TRHDE: variants seen among roughly 807,000 people sequenced by gnomAD.
TRHDE encodes thyrotropin-releasing hormone-degrading ectoenzyme.
In TRHDE, 72 loss-of-function variants were observed where a neutral mutation model predicts 125.7. The observed-to-expected ratio is 0.57, with a 90% CI of 0.47 to 0.70. The LOEUF is 0.70. TRHDE is among the 30% of genes least tolerant of loss of function. TRHDE has a pLI of 0.00. For synonymous variants in TRHDE, 509 were observed against 509.1 expected, an observed-to-expected ratio of 1.00 and a Z score of 0.00; for missense variants, 1,110 against 1,327.1, an observed-to-expected ratio of 0.84 and a Z score of 2.54.
Position 72,238,297 on chromosome 12 carries a change from T to TAC in TRHDE, n.279+132546_279+132547insCA, listed in dbSNP as rs1409127645. Among the ~76,000 whole-genome samples the TAC allele has an allele frequency of 1.4e-3, 44 of 31,040 alleles. 1 individual carries two copies. Among genetic ancestry groups the TAC allele is most frequent in the Admixed American group, 3.5e-3 (9 of 2,604 alleles). 20.4% of individuals were successfully genotyped at this position (31,040 alleles called of 152,430 possible). A position where few individuals can be genotyped will look rare whatever the true frequency, so the allele number is the denominator to read the frequency against. ...CTTAATATATATATATATATATATA[T>TAC]ATATATATATATATATATATATATA... is the stretch of plus-strand genomic sequence containing the variant. On this transcript the variant is annotated intron_variant and non_coding_transcript_variant, in intron 2 of 4. Transcript: ENST00000548156.
intron 3 of TRHDE, among the ~76,000 whole-genome samples, chr12:72,430,352 TAC>T (rs1874405517): frequency 6.9e-6 from 1 of 145,454 alleles, no homozygotes; most frequent in Non-Finnish European, 1.5e-5. Context: ...TATACATGTA[TAC>T]ATATATACAT....
intron 12 of TRHDE, among the ~76,000 whole-genome samples, chr12:72,590,009 T>C (rs1237678833): frequency 6.6e-6 from 1 of 152,048 alleles, no homozygotes; most frequent in East Asian, 1.9e-4. Flanking sequence ...TTTCAACATA[T>C]GCATTTAAAG....
At chr12:72,180,175 T>G (rs1376571943) in intron 2 of TRHDE, among the ~76,000 whole-genome samples, 1 of 152,076 alleles carries the variant, frequency 6.6e-6, no homozygotes, top group African/African-American at 2.4e-5. Flanking sequence ...AGTTGTGCTT[T>G]TTTTTAAAAA....
At chr12:72,565,231 A>G (rs1218951452) in intron 9 of TRHDE, among the ~76,000 whole-genome samples, 1 of 152,170 alleles carries the variant, frequency 6.6e-6, no homozygotes, top group African/African-American at 2.4e-5. Context: ...AAAACCAACT[A>G]CCGATCTATT....
chr12:72,478,932 A>C (rs1437909599), intron 5 of TRHDE, among the ~76,000 whole-genome samples: 3 of 151,206 alleles, frequency 2.0e-5, no homozygotes, highest in Admixed American at 6.6e-5. Flanking sequence ...CAAAAAAAAA[A>C]AAAAAAAAAC....
At chr12:72,235,825 T>G (rs1330859346) in intron 2 of TRHDE, among the ~76,000 whole-genome samples, 1 of 152,136 alleles carries the variant, frequency 6.6e-6, no homozygotes, top group Non-Finnish European at 1.5e-5. Context: ...ACAAAACATC[T>G]GCTAACATGC....
At chr12:72,337,467 TA>T (rs1160087025) in intron 2 of TRHDE, among the ~76,000 whole-genome samples, 1 of 152,182 alleles carries the variant, frequency 6.6e-6, no homozygotes, top group East Asian at 1.9e-4. Context: ...ACTTCATTTT[TA>T]GACCTTCTTC....
intron 5 of TRHDE, among the ~76,000 whole-genome samples, chr12:72,484,906 G>T (rs1401936595): frequency 6.6e-6 from 1 of 152,092 alleles, no homozygotes; most frequent in Non-Finnish European, 1.5e-5. Context: ...GAACAGCAAA[G>T]AAACAGCAGA....
intron 2 of TRHDE, among the ~76,000 whole-genome samples, chr12:72,173,078 A>G (rs1199381197): frequency 6.6e-6 from 1 of 152,244 alleles, no homozygotes; most frequent in East Asian, 1.9e-4. Context: ...CTAGTGAGCT[A>G]TAAATAATTC....
intron 2 of TRHDE, among the ~76,000 whole-genome samples, chr12:72,141,393 T>A (rs975998935): frequency 6.6e-6 from 1 of 152,176 alleles, no homozygotes; most frequent in Non-Finnish European, 1.5e-5. Flanking sequence ...ACTGCCCCGA[T>A]AACCACAGAG....
chr12:72,631,214 A>G (rs1267316190), intron 15 of TRHDE, among the ~76,000 whole-genome samples: 1 of 151,734 alleles, frequency 6.6e-6, no homozygotes, highest in East Asian at 1.9e-4. Context: ...ATGCATGTAT[A>G]CACCTTAAAT....
At chr12:72,648,227 A>AAG (rs756879080) in intron 15 of TRHDE, among the ~76,000 whole-genome samples, 2 of 152,134 alleles carry the variant, frequency 1.3e-5, no homozygotes, top group Non-Finnish European at 2.9e-5. Flanking sequence ...CTCAACAAAT[A>AAG]AGGAATAAAA....
At chr12:72,112,401 GAAAT>G (rs1430160036) in intron 2 of TRHDE, among the ~76,000 whole-genome samples, 2 of 152,138 alleles carry the variant, frequency 1.3e-5, no homozygotes, top group Admixed American at 6.6e-5. Flanking sequence ...CATCTGAAAA[GAAAT>G]AAAATCATTT....
rs766599290 is a variant in TRHDE at position 72,286,854 on chromosome 12, C to T, written c.1088C>T (p.Thr363Met). ...TSVFEEDGWV[T>M]DHFSQTPLMS... ...GTGTTTGAGGAAGATGGATGGGTTA[C>T]GGATCACTTTTCACAGACCCCTCTC... Residue 363 changes from threonine (T) to methionine (M), a missense_variant, in exon 2 of 19, where the codon ACG becomes ATG. This residue lies in a region of TRHDE where 252 missense variants were observed against 274.8 expected (regional missense o/e 0.92). Coordinates refer to ENST00000261180, the MANE Select transcript of TRHDE (RefSeq NM_013381.3). 33 of 1,613,772 alleles carry T rather than the reference C, an allele frequency of 2.0e-5. No homozygotes were observed. Among genetic ancestry groups the T allele is most frequent in the Non-Finnish European group, 2.5e-5 (30 of 1,179,932 alleles).
upstream of TRHDE, among the ~76,000 whole-genome samples, chr12:72,269,489 A>C (rs1311399411): frequency 6.6e-6 from 1 of 152,188 alleles, no homozygotes; most frequent in African/African-American, 2.4e-5. Context: ...TAATTCTGAA[A>C]TATTTGAGAC....
At chr12:72,428,838 A>C (rs1227837416) in intron 3 of TRHDE, among the ~76,000 whole-genome samples, 1 of 152,138 alleles carries the variant, frequency 6.6e-6, no homozygotes, top group Non-Finnish European at 1.5e-5. Flanking sequence ...ACTTTATATA[A>C]ATAAGAGTCA....
intron 2 of TRHDE, among the ~76,000 whole-genome samples, chr12:72,153,102 A>C (rs568186457): frequency 6.6e-6 from 1 of 152,206 alleles, no homozygotes; most frequent in Non-Finnish European, 1.5e-5. Flanking sequence ...CAGAAATTCA[A>C]CTTCTTCCTG....
chr12:72,310,420 C>G (rs544649698), intron 2 of TRHDE, among the ~76,000 whole-genome samples: 137 of 152,306 alleles, frequency 9.0e-4, no homozygotes, highest in African/African-American at 3.1e-3. Context: ...AAAATCTTGA[C>G]TGCGTTTATT....
chr12:72,525,585 ATGTTTTGTGTG>A (rs1868316249), intron 6 of TRHDE, among the ~76,000 whole-genome samples: 1 of 140,978 alleles, frequency 7.1e-6, no homozygotes, highest in Non-Finnish European at 1.5e-5. Flanking sequence ...TAGACTTCTC[ATGTTTTGTGTG>A]TGGTTTGTGT....
Sources: allele counts gnomAD v4.1 joint callset (sites outside exome capture counted in the v4.1 genomes callset), GRCh38; gene constraint gnomAD v4.1.1; regional missense constraint gnomAD v4.1.1; transcripts MANE v1.5; gene names NCBI Gene and HGNC (gene_info 2026-07-23, HGNC 2026-07-21).